Variants in COMMD10 observed in about 807,000 individuals in gnomAD.
The protein encoded by COMMD10 is COMM domain containing 10, also known as COMM domain-containing protein 10.
In COMMD10, 33 loss-of-function variants were observed where a neutral mutation model predicts 28.9. The observed-to-expected ratio is 1.14, with a 90% CI of 0.87 to 1.53. COMMD10 has a LOEUF of 1.53. Among genes scored for constraint, COMMD10 ranks in the 40% most tolerant of loss-of-function variants. The pLI is 0.00. For synonymous variants in COMMD10, 110 were observed against 81.7 expected, an observed-to-expected ratio of 1.35 and a Z score of -1.87; for missense variants, 310 against 233.4, an observed-to-expected ratio of 1.33 and a Z score of -2.14.
chr5:116,206,080 G>A (rs1004897124), intron 5 of COMMD10, among the ~76,000 whole-genome samples: 3 of 152,130 alleles, frequency 2.0e-5, no homozygotes, highest in African/African-American at 7.2e-5. Context: ...TTAGCTCACT[G>A]CTGAAATATC....
chr5:116,127,377 A>T (rs1484502850), intron 4 of COMMD10, among the ~76,000 whole-genome samples: 1 of 152,212 alleles, frequency 6.6e-6, no homozygotes, highest in Non-Finnish European at 1.5e-5. Flanking sequence ...GCGATTCCTC[A>T]AAGATCTAGA....
At chr5:116,196,765 A>T (rs565965090) in intron 5 of COMMD10, among the ~76,000 whole-genome samples, 22 of 152,220 alleles carry the variant, frequency 1.4e-4, no homozygotes, top group Non-Finnish European at 3.1e-4. Flanking sequence ...CTATATAATG[A>T]TTGGAAAAAT....
At chr5:116,141,142 A>T (rs781565835) in intron 5 of COMMD10, among the ~76,000 whole-genome samples, 1 of 151,402 alleles carries the variant, frequency 6.6e-6, no homozygotes, top group South Asian at 2.1e-4. Flanking sequence ...TTGTTTTCAC[A>T]TGGATATTCA....
intron 5 of COMMD10, among the ~76,000 whole-genome samples, chr5:116,202,664 T>A (rs1316535950): frequency 6.6e-6 from 1 of 151,996 alleles, no homozygotes; most frequent in Non-Finnish European, 1.5e-5. Context: ...TCATGTGTCT[T>A]TTGGCTGCAT....
At chr5:116,165,847 C>G (rs1358173881) in intron 5 of COMMD10, among the ~76,000 whole-genome samples, 1 of 152,116 alleles carries the variant, frequency 6.6e-6, no homozygotes, top group African/African-American at 2.4e-5. Flanking sequence ...TCTCCAAATG[C>G]AACTACACTG....
chr5:116,200,296 A>T (rs1241247459), intron 5 of COMMD10, among the ~76,000 whole-genome samples: 1 of 151,956 alleles, frequency 6.6e-6, no homozygotes, highest in African/African-American at 2.4e-5. Flanking sequence ...GGATGTAATT[A>T]TCTTTGCTCC....
chr5:116,132,224 A>G (rs756251995), intron 4 of COMMD10, among the ~76,000 whole-genome samples: 24 of 152,144 alleles, frequency 1.6e-4, no homozygotes, highest in Non-Finnish European at 2.9e-4. Flanking sequence ...AAAATGCCTT[A>G]TATTTATAAT....
At chr5:116,165,599 T>G (rs1391353834) in intron 5 of COMMD10, among the ~76,000 whole-genome samples, 2 of 151,782 alleles carry the variant, frequency 1.3e-5, no homozygotes, top group Non-Finnish European at 3.0e-5. Flanking sequence ...AGGGTGTGTG[T>G]GTGTGTGGGT....
intron 5 of COMMD10, among the ~76,000 whole-genome samples, chr5:116,213,340 C>G (rs1749015614): frequency 6.6e-6 from 1 of 152,082 alleles, no homozygotes; most frequent in Admixed American, 6.6e-5. Context: ...ATCAGTCTTA[C>G]AGCTTTCTGT....
At chr5:116,210,497 A>G (rs531357935) in intron 5 of COMMD10, among the ~76,000 whole-genome samples, 177 of 152,198 alleles carry the variant, frequency 1.2e-3, no homozygotes, top group African/African-American at 4.1e-3. Context: ...ATTATAGAGC[A>G]TACGTTCAGT....
intron 4 of COMMD10, among the ~76,000 whole-genome samples, chr5:116,109,400 C>T (rs1054998708): frequency 6.6e-6 from 1 of 152,102 alleles, no homozygotes; most frequent in African/African-American, 2.4e-5. Flanking sequence ...TTGAGACCAG[C>T]CTGGCCAATA....
chr5:116,112,471 A>G (rs1354180317), intron 4 of COMMD10, among the ~76,000 whole-genome samples: 1 of 151,836 alleles, frequency 6.6e-6, no homozygotes, highest in East Asian at 1.9e-4. Flanking sequence ...ATCTCAGCTC[A>G]CTGCAACCTC....
intron 5 of COMMD10, among the ~76,000 whole-genome samples, chr5:116,245,067 TA>T (rs1749907871): frequency 6.8e-6 from 1 of 147,440 alleles, no homozygotes; most frequent in African/African-American, 2.5e-5. Flanking sequence ...AAAAAATTAA[TA>T]AAATACATAG....
At chr5:116,157,735 G>A (rs1752764028) in intron 5 of COMMD10, among the ~76,000 whole-genome samples, 1 of 152,028 alleles carries the variant, frequency 6.6e-6, no homozygotes, top group South Asian at 2.1e-4. Flanking sequence ...AGTCATTTTT[G>A]CAATTTACCA....
At chr5:116,127,785 G>C (rs913734690) in intron 4 of COMMD10, among the ~76,000 whole-genome samples, 1 of 152,086 alleles carries the variant, frequency 6.6e-6, no homozygotes, top group Admixed American at 6.6e-5. Context: ...TTGTGGTGGG[G>C]GGAAGGAGGA....
At chr5:116,227,940 AG>A (rs2112651286) in intron 5 of COMMD10, among the ~76,000 whole-genome samples, 1 of 152,172 alleles carries the variant, frequency 6.6e-6, no homozygotes, top group South Asian at 2.1e-4. Flanking sequence ...TAGCCAAACT[AG>A]GTCATGTTAT....
chr5:116,197,460 C>T (rs1047699479), intron 5 of COMMD10, among the ~76,000 whole-genome samples: 1 of 152,134 alleles, frequency 6.6e-6, no homozygotes, highest in Non-Finnish European at 1.5e-5. Context: ...TGGCTCACTG[C>T]AACCTCTACC....
chr5:116,243,543 CA>C (rs1454568091), intron 5 of COMMD10, among the ~76,000 whole-genome samples: 1 of 151,890 alleles, frequency 6.6e-6, no homozygotes, highest in Non-Finnish European at 1.5e-5. Context: ...GGTGTTTAAA[CA>C]AATAAAAATA....
At chr5:116,207,340 A>G (rs1748839028) in intron 5 of COMMD10, among the ~76,000 whole-genome samples, 1 of 152,208 alleles carries the variant, frequency 6.6e-6, no homozygotes. Flanking sequence ...TGAACCACTG[A>G]AATGAATAAT....
Sources: allele counts gnomAD v4.1 joint callset (sites outside exome capture counted in the v4.1 genomes callset), GRCh38; gene constraint gnomAD v4.1.1; transcripts MANE v1.5; gene names NCBI Gene and HGNC (gene_info 2026-07-23, HGNC 2026-07-21).